Variants in ZNF516 observed in about 807,000 individuals in gnomAD.
ZNF516 encodes zinc finger protein 516.
ZNF516 carries 19 observed loss-of-function variants against 79.7 expected under a neutral mutation model. That is an observed-to-expected ratio of 0.24 (90% confidence interval 0.17 to 0.35). The LOEUF (loss-of-function observed/expected upper bound fraction) is 0.35. Ranked by LOEUF, ZNF516 falls within the 10% of genes least tolerant of loss-of-function variation. The probability of loss-of-function intolerance (pLI) is 1.00; values close to 1 mark genes in which losing one functional copy is unlikely to be tolerated. For missense variants in ZNF516, 1,678 were observed against 1,679.5 expected, an observed-to-expected ratio of 1.00 and a Z score of 0.02; for synonymous variants, 877 against 739.5, an observed-to-expected ratio of 1.19 and a Z score of -3.02.
chr18:76,396,900 T>C (rs781683515), intron 3 of ZNF516, among the ~76,000 whole-genome samples: 1 of 152,086 alleles, frequency 6.6e-6, no homozygotes, highest in Non-Finnish European at 1.5e-5. Context: ...GGCTTTTCCA[T>C]GAAAAAACAA....
chr18:76,402,011 T>C (rs572207247), intron 3 of ZNF516, among the ~76,000 whole-genome samples: 57 of 149,160 alleles, frequency 3.8e-4, no homozygotes, highest in African/African-American at 1.4e-3. Flanking sequence ...GTGTACACGT[T>C]TGTGTGTACA....
At chr18:76,495,663 C>T, upstream of ZNF516, 1 of 1,143,234 alleles carries the variant, frequency 8.7e-7, no homozygotes, top group Non-Finnish European at 1.1e-6. Context: ...TCCCGGAGGC[C>T]GTTTCCGCGC....
At chr18:76,469,142 TA>T (rs1416448881) in intron 1 of ZNF516, among the ~76,000 whole-genome samples, 1 of 152,218 alleles carries the variant, frequency 6.6e-6, no homozygotes, top group Non-Finnish European at 1.5e-5. Context: ...ATAACCGAGG[TA>T]GTCAAATCAG....
chr18:76,437,493 A>C (rs2075759094), intron 3 of ZNF516, among the ~76,000 whole-genome samples: 1 of 152,004 alleles, frequency 6.6e-6, no homozygotes, highest in African/African-American at 2.4e-5. Context: ...ATTGCATATA[A>C]TACCAAGGCA....
chr18:76,438,886 G>A lies in ZNF516; in HGVS notation c.1810+2359C>T, dbSNP rs142972797. Among the ~76,000 whole-genome samples, 4 of 152,212 alleles carry A rather than the reference G, an allele frequency of 2.6e-5. No individual in the cohort carries two copies. The South Asian group carries it at 6.2e-4, about 24-fold the overall frequency. ...CCCACAGGCAGGCTGGCTGCTGCTT[G>A]TAAGAACCACTGTGATCTTTCGTTC... On this transcript the variant is annotated intron_variant, in intron 3 of 6. Transcript: ENST00000443185.
intron 3 of ZNF516, among the ~76,000 whole-genome samples, chr18:76,401,248 CTTTT>C (rs57990722): frequency 1.7e-4 from 20 of 118,450 alleles, no homozygotes; most frequent in Non-Finnish European, 2.0e-4. Context: ...TTCAATTTAT[CTTTT>C]TTTTTTTTTT....
At chr18:76,478,390 T>C (rs1370107507) in intron 1 of ZNF516, among the ~76,000 whole-genome samples, 1 of 152,196 alleles carries the variant, frequency 6.6e-6, no homozygotes, top group Non-Finnish European at 1.5e-5. Context: ...TTTGTAAACT[T>C]GTTTATATTG....
intron 3 of ZNF516, among the ~76,000 whole-genome samples, chr18:76,424,164 T>C (rs1399226986): frequency 1.6e-5 from 1 of 60,882 alleles, no homozygotes; most frequent in Non-Finnish European, 3.2e-5. Context: ...GGTGAAAAGG[T>C]TACCCCATGA....
intron 3 of ZNF516, among the ~76,000 whole-genome samples, chr18:76,415,373 G>A (rs528532873): frequency 6.6e-5 from 10 of 152,264 alleles, no homozygotes; most frequent in African/African-American, 2.2e-4. Context: ...CGGTTGTCAC[G>A]GCAAGCCCGG....
chr18:76,366,260 C>T (rs955275943), intron 6 of ZNF516, among the ~76,000 whole-genome samples: 18 of 152,100 alleles, frequency 1.2e-4, no homozygotes, highest in Admixed American at 2.6e-4. Flanking sequence ...CTGAGATAGA[C>T]GGTATATCAC....
intron 3 of ZNF516, chr18:76,387,764 C>G (rs962574773): frequency 1.3e-5 from 2 of 152,218 alleles, no homozygotes; most frequent in African/African-American, 2.4e-5. Context: ...ATTCCTGAAT[C>G]TGACATGGAC....
Position 76,371,548 on chromosome 18 carries a change from G to T in ZNF516, c.3283C>A (p.Pro1095Thr), listed in dbSNP as rs771642998. Reference protein sequence around the residue: ...HRGTLRTQARPGEFVCIECGK... With the variant: ...HRGTLRTQARTGEFVCIECGK... Reference sequence around the variant, plus strand: ...CACTCGATGCAGACGAACTCTCCTGGCCGGGCCTGCGTCCGGAGTGTCCCT... The same window carrying T: ...CACTCGATGCAGACGAACTCTCCTGTCCGGGCCTGCGTCCGGAGTGTCCCT... Residue 1095 changes from proline to threonine, a missense_variant, in exon 5 of 7, where the codon CCA (proline) becomes ACA (threonine). By Grantham distance (38) the Pro-to-Thr change is conservative. Coordinates refer to ENST00000443185, the MANE Select transcript of ZNF516 (RefSeq NM_014643.4). 1.9e-6 allele frequency: 3 copies of T among 1,610,464 alleles called. No homozygotes were observed. Among genetic ancestry groups the T allele is most frequent in the African/African-American group, 1.3e-5 (1 of 74,926 alleles).
intron 3 of ZNF516, among the ~76,000 whole-genome samples, chr18:76,428,445 T>TCAGCATGTTTACTG (rs1233664750): frequency 2.0e-5 from 3 of 151,360 alleles, no homozygotes; most frequent in Non-Finnish European, 4.4e-5. Context: ...CTAAGTGTTG[T>TCAGCATGTTTACTG]CAGCATGTTT....
intron 3 of ZNF516, among the ~76,000 whole-genome samples, chr18:76,389,633 T>G (rs906753408): frequency 1.3e-5 from 2 of 152,212 alleles, no homozygotes; most frequent in Non-Finnish European, 2.9e-5. Flanking sequence ...TATGTACTCT[T>G]CAATGTCATT....
intron 3 of ZNF516, among the ~76,000 whole-genome samples, chr18:76,409,878 C>T (rs891103359): frequency 6.6e-6 from 1 of 152,142 alleles, no homozygotes; most frequent in African/African-American, 2.4e-5. Flanking sequence ...TGTAGTAATC[C>T]CCATGTGTCA....
intron 3 of ZNF516, among the ~76,000 whole-genome samples, chr18:76,418,694 A>T (rs2075468553): frequency 6.6e-6 from 1 of 152,266 alleles, no homozygotes; most frequent in Non-Finnish European, 1.5e-5. Flanking sequence ...AAGTGGAAAC[A>T]ATCCTTTAAC....
intron 3 of ZNF516, among the ~76,000 whole-genome samples, chr18:76,440,761 T>TGTGTGTGTGTGCGCGC (rs571461431): frequency 4.7e-5 from 7 of 150,144 alleles, no homozygotes; most frequent in African/African-American, 1.5e-4. Flanking sequence ...TGTGTGTGTG[T>TGTGTGTGTGTGCGCGC]GCGCGCACGC....
Position 76,358,681 on chromosome 18 carries a change from G to A in ZNF516, c.*3817C>T, listed in dbSNP as rs976331723. On this transcript the variant is annotated 3_prime_UTR_variant, in exon 7 of 7. Transcript: ENST00000443185. ...TACTTAAGACATTTTGAAGCAGAAA[G>A]TAAAGCTATGTGAATGCCGTCCTTC... The A allele has an allele frequency of 6.6e-6, 1 of 152,382 alleles. No individual in the cohort carries two copies. Among genetic ancestry groups the A allele is most frequent in the East Asian group, 1.9e-4 (1 of 5,184 alleles). The allele number at this position is 152,382 out of a possible 1,614,324, so 9.4% of individuals were successfully genotyped here.
intron 3 of ZNF516, among the ~76,000 whole-genome samples, chr18:76,431,890 G>C (rs1284834289): frequency 6.6e-6 from 1 of 152,182 alleles, no homozygotes; most frequent in Non-Finnish European, 1.5e-5. Flanking sequence ...AGAAACACAA[G>C]AATGGACTAA....
Sources: allele counts gnomAD v4.1 joint callset (sites outside exome capture counted in the v4.1 genomes callset), GRCh38; gene constraint gnomAD v4.1.1; transcripts MANE v1.5; gene names NCBI Gene and HGNC (gene_info 2026-07-23, HGNC 2026-07-21).